SLC25A16: variants seen among roughly 807,000 people sequenced by gnomAD.
The protein encoded by SLC25A16 is mitochondrial coenzyme A transporter SLC25A16.
In SLC25A16, 39 loss-of-function variants were observed where a neutral mutation model predicts 41.5. The observed-to-expected ratio is 0.94, with a 90% CI of 0.73 to 1.23. SLC25A16 has a LOEUF of 1.23. Among genes scored for constraint, SLC25A16 ranks in the 50% most tolerant of loss-of-function variants. The pLI, the probability that SLC25A16 is intolerant of heterozygous loss-of-function variation, is 0.00. For missense variants in SLC25A16, 421 were observed against 426.9 expected, an observed-to-expected ratio of 0.99 and a Z score of 0.12; for synonymous variants, 146 against 147.8, an observed-to-expected ratio of 0.99 and a Z score of 0.09.
rs141095826 is a variant in SLC25A16 at position 68,490,895 on chromosome 10, T to TA, written c.610+2236_610+2237insT. ...TAGAACAGCTAAAAAATATACTTTT[T>TA]TTTTTTGAAACTGGGACAGGGTCTT... On this transcript the variant is annotated intron_variant, in intron 6 of 8. Coordinates refer to ENST00000609923, the MANE Select transcript of SLC25A16 (RefSeq NM_152707.4). Among the ~76,000 whole-genome samples the TA allele has an allele frequency of 6.5e-3, 986 of 152,086 alleles. 13 individuals carry two copies. Among genetic ancestry groups the TA allele is most frequent in the African/African-American group, 0.023 (939 of 41,476 alleles).
At chr10:68,517,618 G>A (rs1354308948) in intron 1 of SLC25A16, 1 of 152,150 alleles carries the variant, frequency 6.6e-6, no homozygotes, top group Non-Finnish European at 1.5e-5. Flanking sequence ...AATTACTTGA[G>A]ACTAGGAGTT....
intron 6 of SLC25A16, among the ~76,000 whole-genome samples, chr10:68,491,210 G>GT (rs1381134654): frequency 1.3e-5 from 2 of 149,768 alleles, no homozygotes; most frequent in African/African-American, 4.9e-5. Flanking sequence ...TTAGTGCACT[G>GT]TTTTTTTGTT....
intron 4 of SLC25A16, chr10:68,496,386 C>T (rs1216730315): frequency 1.5e-6 from 1 of 652,644 alleles, no homozygotes; most frequent in East Asian, 1.4e-4. Context: ...TTTAAGAAGG[C>T]CAAAAAAGCC....
At chr10:68,519,745 T>A (rs2053219723) in intron 1 of SLC25A16, among the ~76,000 whole-genome samples, 1 of 151,254 alleles carries the variant, frequency 6.6e-6, no homozygotes, top group East Asian at 2.0e-4. Context: ...TGAAACCCCA[T>A]CTCTTCTAAA....
At chr10:68,517,295 T>A in intron 1 of SLC25A16, 1 of 974,352 alleles carries the variant, frequency 1.0e-6, no homozygotes, top group Non-Finnish European at 1.2e-6. Context: ...AACAACCAAC[T>A]TTTACCCATA....
intron 1 of SLC25A16, among the ~76,000 whole-genome samples, chr10:68,523,365 A>G (rs1351852455): frequency 1.3e-5 from 2 of 152,110 alleles, no homozygotes; most frequent in African/African-American, 4.8e-5. Context: ...AGTGCTGAGA[A>G]TAGAGGCCTG....
Position 68,523,455 on chromosome 10 carries a change from A to G in SLC25A16, c.130+3791T>C, listed in dbSNP as rs369725293. Among the ~76,000 whole-genome samples the G allele has an allele frequency of 1.7e-4, 25 of 151,510 alleles. 3 individuals carry two copies. Among genetic ancestry groups the G allele is most frequent in the African/African-American group, 6.1e-4 (25 of 41,276 alleles). Reference sequence around the variant, plus strand: ...GGAGGCACATAGTTGGAACTCGAATATTTTCCGTGTGAATAAATGTCATTT... The same window carrying G: ...GGAGGCACATAGTTGGAACTCGAATGTTTTCCGTGTGAATAAATGTCATTT... On this transcript the variant is annotated intron_variant, in intron 1 of 8. Coordinates refer to ENST00000609923, the MANE Select transcript of SLC25A16 (RefSeq NM_152707.4).
chr10:68,493,486 G>C lies in SLC25A16; in HGVS notation c.506C>G (p.Thr169Arg), dbSNP rs754682204. The change falls in exon 5 of 9, where the codon ACA (threonine) becomes AGA (arginine). Residue 169 changes from threonine to arginine, a missense_variant. Thr to Arg is a moderately conservative substitution (Grantham distance 71). Coordinates refer to ENST00000609923, the MANE Select transcript of SLC25A16 (RefSeq NM_152707.4). ...TGTTTTGAAAGCATGAATAATTCCT[G>C]TATAGCTGTGTTCCCCTTTCACCTG... ...AFQVKGEHSY[T>R]GIIHAFKTIY... 2.5e-6 allele frequency: 4 copies of C among 1,613,152 alleles called. No homozygotes were observed. In the East Asian group the frequency reaches 8.9e-5, roughly 36 times the overall value.
chr10:68,483,116 CA>C lies in SLC25A16; in HGVS notation c.*315del, dbSNP rs1216075009. 1.6e-5 allele frequency: 3 copies of C among 184,398 alleles called. No homozygotes were observed. The highest frequency in any genetic ancestry group is 1.1e-5 in the Non-Finnish European group (1 of 89,648). 11.4% of individuals were successfully genotyped at this position (184,398 alleles called of 1,614,324 possible). On this transcript the variant is annotated 3_prime_UTR_variant, in exon 9 of 9. Coordinates refer to ENST00000609923, the MANE Select transcript of SLC25A16 (RefSeq NM_152707.4). ...GATAACAATTAAAAACTTTGAACAG[CA>C]TGACAAAGCTAATGGCAACCTCTTG...
intron 8 of SLC25A16, 188 bp downstream of exon 8, chr10:68,486,956 C>CA (rs374368406): frequency 0.036 from 3,650 of 102,632 alleles, 120 homozygotes; most frequent in Admixed American, 0.05. Context: ...GACTGCATCT[C>CA]AAAAAAAAAA....
At chr10:68,500,723 G>A (rs181047898) in intron 4 of SLC25A16, among the ~76,000 whole-genome samples, 50 of 151,326 alleles carry the variant, frequency 3.3e-4, no homozygotes, top group African/African-American at 1.0e-3. Flanking sequence ...CTGAGGTCCG[G>A]AGTTTGAGAC....
chr10:68,496,370 A>G (rs897867819), intron 4 of SLC25A16: 2 of 403,404 alleles, frequency 5.0e-6, no homozygotes, highest in Admixed American at 6.4e-5. Context: ...TCTACCTAAC[A>G]CTTCTTTTAA....
intron 1 of SLC25A16, chr10:68,517,370 A>G (rs1304534587): frequency 2.2e-5 from 9 of 401,020 alleles, no homozygotes; most frequent in Non-Finnish European, 3.0e-5. Flanking sequence ...GCCACTGGGG[A>G]AAAGTATAGA....
At chr10:68,506,942 G>GA (rs1590113561) in intron 2 of SLC25A16, among the ~76,000 whole-genome samples, 1 of 150,714 alleles carries the variant, frequency 6.6e-6, no homozygotes, top group African/African-American at 2.5e-5. Flanking sequence ...ACCTACTGTA[G>GA]AAACAACTAC....
chr10:68,519,782 G>A (rs966629319), intron 1 of SLC25A16, among the ~76,000 whole-genome samples: 7 of 150,784 alleles, frequency 4.6e-5, no homozygotes, highest in African/African-American at 1.7e-4. Context: ...AGGTGTGGTG[G>A]CACATGCTTA....
chr10:68,519,478 T>G (rs2053215828), intron 1 of SLC25A16, among the ~76,000 whole-genome samples: 1 of 142,098 alleles, frequency 7.0e-6, no homozygotes, highest in South Asian at 2.2e-4. Flanking sequence ...AGAGTGAGAC[T>G]CCATCTCAAA....
chr10:68,512,774 A>T (rs1180601697), intron 2 of SLC25A16, among the ~76,000 whole-genome samples: 5 of 152,054 alleles, frequency 3.3e-5, no homozygotes, highest in Non-Finnish European at 7.4e-5. Flanking sequence ...GTGGTGGCTC[A>T]TGCCTATAAT....
At chr10:68,513,331 C>A (rs779851548) in intron 2 of SLC25A16, among the ~76,000 whole-genome samples, 2 of 150,462 alleles carry the variant, frequency 1.3e-5, no homozygotes, top group African/African-American at 4.9e-5. Flanking sequence ...ACTGCTTGAA[C>A]CCAGAAGGCA....
chr10:68,490,379 G>T (rs1412025647), intron 6 of SLC25A16, among the ~76,000 whole-genome samples: 3 of 148,956 alleles, frequency 2.0e-5, no homozygotes, highest in African/African-American at 5.0e-5. Flanking sequence ...TTTTACTCTT[G>T]TCACCCAGGC....
Sources: allele counts gnomAD v4.1 joint callset (sites outside exome capture counted in the v4.1 genomes callset), GRCh38; gene constraint gnomAD v4.1.1; transcripts MANE v1.5; gene names NCBI Gene and HGNC (gene_info 2026-07-23, HGNC 2026-07-21).